The following NIM1K variants were observed in gnomAD, a reference collection of about 807,000 sequenced individuals.
NIM1K encodes NIM1 serine/threonine protein kinase, also known as serine/threonine-protein kinase NIM1.
In NIM1K, 35 loss-of-function variants were observed where a neutral mutation model predicts 37.1. The observed-to-expected ratio is 0.94, with a 90% CI of 0.72 to 1.25. The LOEUF is 1.25. NIM1K is among the 50% of genes most tolerant of loss of function. NIM1K has a pLI of 0.00. For synonymous variants in NIM1K, 234 were observed against 206.6 expected, an observed-to-expected ratio of 1.13 and a Z score of -1.14; for missense variants, 564 against 548.0, an observed-to-expected ratio of 1.03 and a Z score of -0.29.
At chr5:43,201,487 G>A (rs1309695217) in intron 1 of NIM1K, among the ~76,000 whole-genome samples, 1 of 152,052 alleles carries the variant, frequency 6.6e-6, no homozygotes, top group Non-Finnish European at 1.5e-5. Context: ...TTTTCATGCT[G>A]CCTTTGTTTG....
chr5:43,217,896 G>C (rs1037140819), intron 1 of NIM1K, among the ~76,000 whole-genome samples: 6 of 151,884 alleles, frequency 4.0e-5, no homozygotes, highest in African/African-American at 1.5e-4. Flanking sequence ...ATTTTTAGTG[G>C]AGACAGCATT....
At chr5:43,277,403 T>G (rs1440599025) in intron 3 of NIM1K, 78 bp downstream of exon 3, 2 of 1,471,502 alleles carry the variant, frequency 1.4e-6, no homozygotes, top group East Asian at 2.3e-5. Context: ...TTACTAACCC[T>G]CAAGTGTCCC....
intron 2 of NIM1K, among the ~76,000 whole-genome samples, chr5:43,260,771 C>A (rs893432040): frequency 6.6e-6 from 1 of 152,062 alleles, no homozygotes; most frequent in Non-Finnish European, 1.5e-5. Flanking sequence ...TTCCCCCACC[C>A]GACGACAGGC....
chr5:43,252,970 C>T (rs1419564905), intron 2 of NIM1K, among the ~76,000 whole-genome samples: 1 of 148,780 alleles, frequency 6.7e-6, no homozygotes, highest in African/African-American at 2.5e-5. Flanking sequence ...TCTTTCCTTC[C>T]TTCCTTTTTT....
At chr5:43,260,892 A>T (rs1753018058) in intron 2 of NIM1K, among the ~76,000 whole-genome samples, 1 of 152,220 alleles carries the variant, frequency 6.6e-6, no homozygotes, top group South Asian at 2.1e-4. Flanking sequence ...TAGTTTGCTC[A>T]GAATGATGGT....
intron 1 of NIM1K, among the ~76,000 whole-genome samples, chr5:43,208,584 A>G (rs1002965596): frequency 6.6e-6 from 1 of 152,032 alleles, no homozygotes. Flanking sequence ...CCTGGGCGAC[A>G]GGGCAGGACT....
rs762209025 is a variant in NIM1K, at chr5:43,280,081, CAA to C, written c.668_669del (p.Lys223ArgfsTer2). On this transcript the variant is annotated frameshift_variant, in exon 4 of 4. Transcript: ENST00000326035. LOFTEE classifies it high-confidence loss of function. ...GCGATTTTGGATTCAGCACAGTAAG[CAA>C]AAAAGGTGAAATGCTGAACACTTTC... ...VGDFGFSTVS[K>X]KGEMLNTFCG... 1 of 1,614,026 alleles carries C rather than the reference CAA, an allele frequency of 6.2e-7. No individual in the cohort carries two copies. Among genetic ancestry groups the C allele is most frequent in the Non-Finnish European group, 8.5e-7 (1 of 1,180,000 alleles).
At chr5:43,241,458 G>A (rs1404857812) in intron 1 of NIM1K, among the ~76,000 whole-genome samples, 2 of 151,494 alleles carry the variant, frequency 1.3e-5, no homozygotes, top group Non-Finnish European at 2.9e-5. Flanking sequence ...TCTTGCCTCA[G>A]CCTCCTGAGT....
intron 1 of NIM1K, among the ~76,000 whole-genome samples, chr5:43,234,614 G>A (rs1233916795): frequency 1.3e-5 from 2 of 151,948 alleles, no homozygotes; most frequent in Non-Finnish European, 2.9e-5. Context: ...CATGCGGATG[G>A]GGACTTATTT....
intron 2 of NIM1K, among the ~76,000 whole-genome samples, chr5:43,273,344 C>T (rs1021042377): frequency 5.3e-5 from 8 of 152,188 alleles, no homozygotes; most frequent in Middle Eastern, 3.4e-3. Context: ...GCCAGAATTA[C>T]AGGCGGCTGC....
In NIM1K at chr5:43,245,920, G is replaced by T. The variant is rs201780440; in HGVS notation, c.145G>T (p.Glu49Ter). Residue 49 changes from glutamate to a stop codon, truncating the protein, a stop_gained, in exon 2 of 4, where the codon GAG (glutamate) becomes TAG (stop). Coordinates refer to ENST00000326035, the MANE Select transcript of NIM1K (RefSeq NM_153361.4). LOFTEE classifies it high-confidence loss of function. ...ACAGCCCCGCCAGCTGACGCCCTTC[G>T]AGAAACTGACACAGGACATGTCCCA... ...EGQPRQLTPF[E>*]KLTQDMSQDE... 3.1e-6 allele frequency: 5 copies of T among 1,614,030 alleles called. No homozygotes were observed. The African/African-American group carries it at 6.7e-5, about 22-fold the overall frequency.
At chr5:43,256,643 C>G (rs935309330) in intron 2 of NIM1K, among the ~76,000 whole-genome samples, 1 of 152,210 alleles carries the variant, frequency 6.6e-6, no homozygotes, top group African/African-American at 2.4e-5. Flanking sequence ...GTCTCTCTGT[C>G]TCTCTGCCTC....
intron 1 of NIM1K, among the ~76,000 whole-genome samples, chr5:43,201,637 C>T (rs1579953180): frequency 6.6e-6 from 1 of 151,894 alleles, no homozygotes; most frequent in Non-Finnish European, 1.5e-5. Context: ...GTTAGAAAGC[C>T]TACCACAAAA....
intron 2 of NIM1K, among the ~76,000 whole-genome samples, chr5:43,256,236 G>GT: frequency 6.6e-6 from 1 of 151,700 alleles, no homozygotes; most frequent in Non-Finnish European, 1.5e-5. Context: ...AGAGAGATCA[G>GT]TTAGGAGCCT....
chr5:43,248,643 G>A (rs897855924), intron 2 of NIM1K, among the ~76,000 whole-genome samples: 1 of 152,008 alleles, frequency 6.6e-6, no homozygotes, highest in African/African-American at 2.4e-5. Context: ...ACACTTACAA[G>A]GAATTGGCTC....
chr5:43,247,042 G>C (rs993417440), intron 2 of NIM1K, among the ~76,000 whole-genome samples: 1 of 151,992 alleles, frequency 6.6e-6, no homozygotes, highest in African/African-American at 2.4e-5. Flanking sequence ...TATTAGAGTT[G>C]TCTTTTGCTT....
chr5:43,232,691 A>G, intron 1 of NIM1K: 1 of 1,481,100 alleles, frequency 6.8e-7, no homozygotes, highest in Non-Finnish European at 9.2e-7. Flanking sequence ...TTCTTGCCGT[A>G]ATCAACCGGG....
chr5:43,227,374 T>C (rs541916904), intron 1 of NIM1K, among the ~76,000 whole-genome samples: 1 of 151,714 alleles, frequency 6.6e-6, no homozygotes, highest in East Asian at 1.9e-4. Flanking sequence ...AAAAAAATAA[T>C]AAAATAAAAA....
intron 1 of NIM1K, among the ~76,000 whole-genome samples, chr5:43,218,064 T>C (rs1425830482): frequency 6.6e-6 from 1 of 151,040 alleles, no homozygotes; most frequent in Non-Finnish European, 1.5e-5. Flanking sequence ...CAGGCTGGAG[T>C]GCAGTGGCTC....
Sources: gnomAD v4.1 joint callset for allele counts (sites outside exome capture counted in the v4.1 genomes callset) on GRCh38, gnomAD v4.1.1 for gene constraint, MANE v1.5 for transcripts, NCBI Gene and HGNC (gene_info 2026-07-23, HGNC 2026-07-21) for gene names.